RYR2: variants seen among roughly 807,000 people sequenced by gnomAD.
The protein encoded by RYR2 is ryanodine receptor 2, also known as cardiac muscle ryanodine receptor-calcium release channel.
Under a neutral mutation model 601.1 loss-of-function variants are expected in RYR2, and 227 were observed. That is an observed-to-expected ratio of 0.38 (90% CI 0.34 to 0.42). The LOEUF is 0.42. Ranked by LOEUF, RYR2 falls within the 10% of genes least tolerant of loss-of-function variation. RYR2 has a pLI of 1.00. For synonymous variants in RYR2, 2,223 were observed against 2,175.1 expected (o/e 1.02, Z -0.61); for missense variants, 4,646 against 6,156.5 (o/e 0.75, Z 8.21).
intron 14 of RYR2, among the ~76,000 whole-genome samples, chr1:237,450,938 CTATATTTATCCTT>C (rs1487960977): frequency 6.6e-6 from 1 of 151,990 alleles, no homozygotes; most frequent in Non-Finnish European, 1.5e-5. Flanking sequence ...TGTTTCTTTT[CTATATTTATCCTT>C]TAGTTGTATT....
At chr1:237,170,319 C>T (rs193173770) in intron 1 of RYR2, among the ~76,000 whole-genome samples, 8 of 152,238 alleles carry the variant, frequency 5.3e-5, no homozygotes, top group Non-Finnish European at 8.8e-5. Context: ...GTGCCAGGCT[C>T]TTAGGCAGCA....
chr1:237,217,750 C>T (rs1299279759), intron 1 of RYR2, among the ~76,000 whole-genome samples: 5 of 152,170 alleles, frequency 3.3e-5, no homozygotes, highest in African/African-American at 4.8e-5. Context: ...ACTCGCTTTA[C>T]TCTGTGCCCA....
Position 237,576,584 on chromosome 1 carries a change from C to A in RYR2, c.3598+7265C>A, listed in dbSNP as rs575368343. On this transcript the variant is annotated intron_variant, in intron 29 of 104. Coordinates refer to ENST00000366574, the MANE Select transcript of RYR2 (RefSeq NM_001035.3). Reference sequence around the variant, plus strand: ...TTCACACCCTATATGATAACGAACTCCAAATGGTCTTAAATGTCAACAGCA... The same window carrying A: ...TTCACACCCTATATGATAACGAACTACAAATGGTCTTAAATGTCAACAGCA... Among the ~76,000 whole-genome samples the A allele has an allele frequency of 3.9e-5, 6 of 152,092 alleles. No homozygotes were observed. In the South Asian group the frequency reaches 1.2e-3, roughly 32 times the overall value.
At chr1:237,456,955 A>C (rs1658908581) in intron 16 of RYR2, among the ~76,000 whole-genome samples, 1 of 152,088 alleles carries the variant, frequency 6.6e-6, no homozygotes, top group Admixed American at 6.6e-5. Flanking sequence ...AAAAAAAATC[A>C]CATAATAGCT....
chr1:237,066,286 C>G (rs1386095283), intron 1 of RYR2, among the ~76,000 whole-genome samples: 1 of 152,160 alleles, frequency 6.6e-6, no homozygotes, highest in African/African-American at 2.4e-5. Context: ...ATGAAAATGG[C>G]TATGAATAAT....
intron 26 of RYR2, 103 bp from the exon 27 acceptor site, chr1:237,550,441 C>A: frequency 7.5e-7 from 1 of 1,335,070 alleles, no homozygotes; most frequent in Non-Finnish European, 1.0e-6. Flanking sequence ...GTGGAAGGGT[C>A]ACGTTTTTCT....
intron 1 of RYR2, among the ~76,000 whole-genome samples, chr1:237,110,561 C>T (rs1401695983): frequency 3.3e-5 from 5 of 152,090 alleles, no homozygotes; most frequent in Non-Finnish European, 7.3e-5. Context: ...TGATGGTTTC[C>T]AGTTTCATCC....
intron 24 of RYR2, among the ~76,000 whole-genome samples, chr1:237,529,281 G>A (rs2147928589): frequency 6.6e-6 from 1 of 152,164 alleles, no homozygotes; most frequent in Middle Eastern, 3.4e-3. Context: ...CCTTCAATCA[G>A]CTCTTGGTCT....
intron 72 of RYR2, 122 bp downstream of exon 72, chr1:237,717,490 G>A (rs956615430): frequency 1.2e-6 from 1 of 845,204 alleles, no homozygotes; most frequent in Admixed American, 3.4e-5. Flanking sequence ...TATTAAGCAG[G>A]TTTTCTAGAC....
chr1:237,193,051 G>A (rs1192700519), intron 1 of RYR2, among the ~76,000 whole-genome samples: 3 of 151,446 alleles, frequency 2.0e-5, no homozygotes, highest in African/African-American at 4.9e-5. Flanking sequence ...GGCCAGGCGT[G>A]GTGGCTCATG....
At position 237,500,808 on chromosome 1, in the gene RYR2, G is replaced by T. The variant is rs117588730; in HGVS notation, c.2301G>T (p.Ser767=). The T allele has an allele frequency of 9.4e-4, 1,518 of 1,613,986 alleles. 28 individuals are homozygous for T. The East Asian group carries it at 0.03, about 32-fold the overall frequency. ...TAGATCTGAGTGCCCCAAGCATCTC[G>T]TTCCGAATTAATGGACAACCTGTTC... The part of the protein sequence containing the change: ...CCLDLSAPSI[S]FRINGQPVQG... The change falls in exon 21 of 105, where the codon TCG becomes TCT. Residue 767 remains serine (S), a synonymous_variant. Coordinates refer to ENST00000366574, the MANE Select transcript of RYR2 (RefSeq NM_001035.3).
At chr1:237,195,104 A>T (rs971884751) in intron 1 of RYR2, among the ~76,000 whole-genome samples, 1 of 152,340 alleles carries the variant, frequency 6.6e-6, no homozygotes, top group South Asian at 2.1e-4. Flanking sequence ...ATATTTTCTT[A>T]TAATTTTCCT....
At chr1:237,177,926 C>T (rs988989151) in intron 1 of RYR2, among the ~76,000 whole-genome samples, 1 of 152,072 alleles carries the variant, frequency 6.6e-6, no homozygotes, top group Non-Finnish European at 1.5e-5. Context: ...TATGTATTTT[C>T]CAGGCTAGCA....
At chr1:237,770,316 GCTTTCACA>G (rs1694170842) in intron 84 of RYR2, among the ~76,000 whole-genome samples, 1 of 152,150 alleles carries the variant, frequency 6.6e-6, no homozygotes, top group Non-Finnish European at 1.5e-5. Flanking sequence ...GTGATTTACA[GCTTTCACA>G]AAAATCCATG....
chr1:237,717,319 C>T lies in RYR2; in HGVS notation c.10445C>T (p.Ala3482Val), dbSNP rs1383379915. The T allele has an allele frequency of 6.2e-7, 1 of 1,611,898 alleles. No individual in the cohort carries two copies. The highest frequency in any genetic ancestry group is 8.5e-7 in the Non-Finnish European group (1 of 1,178,648). Residue 3482 changes from alanine (A) to valine (V), a missense_variant, in exon 72 of 105, where the codon GCC (alanine) becomes GTC (valine). This residue lies in a region of RYR2 where 1,497 missense variants were observed against 1,842.6 expected (regional missense o/e 0.81). Transcript: ENST00000366574. ...RLLPIGLNIC[A>V]PGDQELIALA... ...CTGCCCATTGGGTTGAACATCTGTGCCCCTGGGGACCAGGAGCTCATTGCT... is the reference window on the plus strand; with the variant it reads ...CTGCCCATTGGGTTGAACATCTGTGTCCCTGGGGACCAGGAGCTCATTGCT...
intron 1 of RYR2, among the ~76,000 whole-genome samples, chr1:237,194,005 G>T (rs1024266469): frequency 2.0e-5 from 3 of 152,208 alleles, no homozygotes; most frequent in Non-Finnish European, 4.4e-5. Context: ...TGAAGAAACA[G>T]AATCCTTTTG....
At chr1:237,286,166 C>A (rs1274278498) in intron 2 of RYR2, among the ~76,000 whole-genome samples, 3 of 152,048 alleles carry the variant, frequency 2.0e-5, no homozygotes, top group Admixed American at 6.5e-5. Flanking sequence ...GGGCTATGAA[C>A]TTCCCTCTTA....
chr1:237,493,210 T>C, intron 19 of RYR2, 123 bp downstream of exon 19: 1 of 1,079,862 alleles, frequency 9.3e-7, no homozygotes, highest in Non-Finnish European at 1.3e-6. Context: ...ATTTTCTGTA[T>C]TTTTGCAGTG....
intron 3 of RYR2, among the ~76,000 whole-genome samples, chr1:237,334,440 A>AAT (rs58982184): frequency 0.014 from 2,084 of 145,948 alleles, 14 homozygotes; most frequent in Middle Eastern, 0.033. Context: ...GTTTAATTAA[A>AAT]ATATATATAT....
Sources: gnomAD v4.1 joint callset for allele counts (sites outside exome capture counted in the v4.1 genomes callset) on GRCh38, gnomAD v4.1.1 for gene constraint, gnomAD v4.1.1 regional missense constraint, MANE v1.5 for transcripts, NCBI Gene and HGNC (gene_info 2026-07-23, HGNC 2026-07-21) for gene names.